PCMT1: variants seen among roughly 807,000 people sequenced by gnomAD.
The protein encoded by PCMT1 is protein-L-isoaspartate(D-aspartate) O-methyltransferase.
PCMT1 carries 9 observed loss-of-function variants against 29.2 expected under a neutral mutation model. The ratio of observed to expected loss-of-function variants is 0.31; its 90% confidence interval spans 0.19 to 0.54. The LOEUF (loss-of-function observed/expected upper bound fraction) is 0.54, where lower values mean the gene tolerates loss of function less well. Among genes scored for constraint, PCMT1 ranks in the 20% least tolerant of loss-of-function variants. PCMT1 has a pLI of 0.95. For synonymous variants in PCMT1, 98 were observed against 97.5 expected, an observed-to-expected ratio of 1.00 and a Z score of -0.03; for missense variants, 184 against 282.2, an observed-to-expected ratio of 0.65 and a Z score of 2.49.
intron 5 of PCMT1, among the ~76,000 whole-genome samples, chr6:149,793,959 C>G (rs1397039575): frequency 6.6e-6 from 1 of 152,090 alleles, no homozygotes; most frequent in Non-Finnish European, 1.5e-5. Context: ...TATTGGATTG[C>G]TTGTATTTTT....
At chr6:149,759,165 G>A (rs1208251420) in intron 1 of PCMT1, among the ~76,000 whole-genome samples, 4 of 152,204 alleles carry the variant, frequency 2.6e-5, no homozygotes, top group Admixed American at 6.5e-5. Context: ...GTGAGCCACC[G>A]CGCCCGGCCA....
At chr6:149,766,625 T>C (rs1162607893) in intron 1 of PCMT1, among the ~76,000 whole-genome samples, 1 of 152,230 alleles carries the variant, frequency 6.6e-6, no homozygotes, top group African/African-American at 2.4e-5. Flanking sequence ...CTGGCTGTTC[T>C]TGCATCACAG....
chr6:149,807,946 T>C (rs1198203847), intron 7 of PCMT1, among the ~76,000 whole-genome samples: 1 of 152,204 alleles, frequency 6.6e-6, no homozygotes, highest in Non-Finnish European at 1.5e-5. Context: ...ATACATTACA[T>C]CCTTAAAAGC....
At chr6:149,768,133 C>G (rs1445678615) in intron 1 of PCMT1, among the ~76,000 whole-genome samples, 1 of 152,050 alleles carries the variant, frequency 6.6e-6, no homozygotes, top group African/African-American at 2.4e-5. Flanking sequence ...ACTCTGTTGC[C>G]CAGGCTGGAG....
intron 1 of PCMT1, among the ~76,000 whole-genome samples, chr6:149,769,308 CTTTTTTT>C (rs372773939): frequency 6.0e-4 from 43 of 71,544 alleles, no homozygotes; most frequent in South Asian, 1.8e-3. Context: ...GTGCAGGATT[CTTTTTTT>C]TTTTTTTTTT....
Position 149,805,315 on chromosome 6 carries a change from T to C in PCMT1, c.*37+2899T>C, listed in dbSNP as rs139320536. ...ATTAAATGTATACCTGCTTTTAGGC[T>C]GGGCGCAGTGGCTCACGCCTGTAAT... On this transcript the variant is annotated intron_variant, in intron 7 of 7. Coordinates refer to ENST00000464889, the MANE Select transcript of PCMT1 (RefSeq NM_001360452.2). Among the ~76,000 whole-genome samples, 1,471 of 152,326 alleles carry C rather than the reference T, an allele frequency of 9.7e-3. 16 individuals carry two copies. Among genetic ancestry groups the C allele is most frequent in the South Asian group, 0.068 (329 of 4,830 alleles).
chr6:149,765,980 AT>A (rs58014361), intron 1 of PCMT1, among the ~76,000 whole-genome samples: 173 of 144,982 alleles, frequency 1.2e-3, no homozygotes, highest in Non-Finnish European at 9.7e-4. Flanking sequence ...AAAAAAATAA[AT>A]TTTTTTTTTT....
At chr6:149,764,807 C>T (rs1157252594) in intron 1 of PCMT1, among the ~76,000 whole-genome samples, 3 of 151,648 alleles carry the variant, frequency 2.0e-5, no homozygotes, top group Non-Finnish European at 4.4e-5. Context: ...TTTGGGAGGC[C>T]GAGGCGGGTA....
intron 1 of PCMT1, among the ~76,000 whole-genome samples, chr6:149,763,725 T>C (rs1198933490): frequency 6.6e-6 from 1 of 152,138 alleles, no homozygotes. Context: ...GAAGAATGAA[T>C]ACAGTGAATA....
At chr6:149,763,897 AAG>A (rs1445420994) in intron 1 of PCMT1, among the ~76,000 whole-genome samples, 1 of 152,210 alleles carries the variant, frequency 6.6e-6, no homozygotes, top group Admixed American at 6.5e-5. Flanking sequence ...GAATAACACT[AAG>A]AGTGTCATGT....
At chr6:149,799,022 T>G (rs1468185434) in intron 6 of PCMT1, 1 of 152,154 alleles carries the variant, frequency 6.6e-6, no homozygotes, top group African/African-American at 2.4e-5. Context: ...GAGAAGATTC[T>G]GAAAGCCTCT....
At chr6:149,751,717 T>C (rs1200112369) in intron 1 of PCMT1, among the ~76,000 whole-genome samples, 1 of 152,012 alleles carries the variant, frequency 6.6e-6, no homozygotes, top group African/African-American at 2.4e-5. Flanking sequence ...CCTGACTTCA[T>C]GATCTGCCCA....
intron 1 of PCMT1, among the ~76,000 whole-genome samples, chr6:149,756,008 C>G (rs918092074): frequency 6.6e-6 from 1 of 152,080 alleles, no homozygotes; most frequent in Non-Finnish European, 1.5e-5. Flanking sequence ...GATTTAGGAT[C>G]TGGGAGAAAA....
chr6:149,775,829 G>A (rs932341675), intron 3 of PCMT1, among the ~76,000 whole-genome samples: 6 of 152,040 alleles, frequency 3.9e-5, no homozygotes, highest in Non-Finnish European at 5.9e-5. Flanking sequence ...GTGAAAGACC[G>A]GTAAGCCCAA....
chr6:149,768,714 TCTC>T (rs897194646), intron 1 of PCMT1, among the ~76,000 whole-genome samples: 9 of 151,692 alleles, frequency 5.9e-5, no homozygotes, highest in Non-Finnish European at 1.2e-4. Context: ...GCAGCCTCCT[TCTC>T]CTGGGTTCAA....
chr6:149,803,073 A>AC (rs1775894581), intron 7 of PCMT1, among the ~76,000 whole-genome samples: 1 of 150,846 alleles, frequency 6.6e-6, no homozygotes, highest in African/African-American at 2.4e-5. Flanking sequence ...AAAAAAAAAA[A>AC]AAAAAAAAAC....
intron 1 of PCMT1, among the ~76,000 whole-genome samples, chr6:149,766,491 C>G (rs1112729): frequency 6.6e-6 from 1 of 151,992 alleles, no homozygotes; most frequent in Non-Finnish European, 1.5e-5. Flanking sequence ...AAGTGTAACC[C>G]CCAACTTCAT....
At chr6:149,749,697 G>A (rs1364479950), upstream of PCMT1, 1 of 1,478,024 alleles carries the variant, frequency 6.8e-7, no homozygotes, top group East Asian at 2.7e-5. Flanking sequence ...TAAGCCGCGC[G>A]GCGTCACAGA....
Position 149,749,798 on chromosome 6 carries a change from G to GC in PCMT1, c.-103dup. ...AGCGGCAGCTACAGCGGGGACGCGA[G>GC]CGGGGCGGTGACGGTGTGGGAGGTG... On this transcript the variant is annotated 5_prime_UTR_variant, in exon 1 of 8. Coordinates refer to ENST00000464889, the MANE Select transcript of PCMT1 (RefSeq NM_001360452.2). 5 of 1,552,082 alleles carry GC rather than the reference G, an allele frequency of 3.2e-6. No individual in the cohort carries two copies. The highest frequency in any genetic ancestry group is 4.4e-6 in the Non-Finnish European group (5 of 1,147,190).
Sources: allele counts gnomAD v4.1 joint callset (sites outside exome capture counted in the v4.1 genomes callset), GRCh38; gene constraint gnomAD v4.1.1; transcripts MANE v1.5; gene names NCBI Gene and HGNC (gene_info 2026-07-23, HGNC 2026-07-21).